HMBOX1: variants seen among roughly 807,000 people sequenced by gnomAD.
HMBOX1 encodes homeobox-containing protein 1.
Under a neutral mutation model 54.5 loss-of-function variants are expected in HMBOX1, and 14 were observed. The observed-to-expected ratio is 0.26, with a 90% CI of 0.17 to 0.40. HMBOX1 has a LOEUF of 0.40. Ranked by LOEUF, HMBOX1 falls within the 10% of genes least tolerant of loss-of-function variation. The pLI is 1.00. For missense variants in HMBOX1, 332 were observed against 514.4 expected (o/e 0.65, Z 3.43); for synonymous variants, 160 against 181.0 (o/e 0.88, Z 0.93).
chr8:28,986,691 G>A lies in HMBOX1; in HGVS notation c.586+6535G>A, dbSNP rs143518676. On this transcript the variant is annotated intron_variant, in intron 4 of 9. Coordinates refer to ENST00000287701, the MANE Select transcript of HMBOX1 (RefSeq NM_001135726.3). Reference sequence around the variant, plus strand: ...ATTCACTCACGTTATAATTGTTTTCGCAGAGTGCATTTTGGGATTTTCTTT... The same window carrying A: ...ATTCACTCACGTTATAATTGTTTTCACAGAGTGCATTTTGGGATTTTCTTT... Among the ~76,000 whole-genome samples, 8 of 152,212 alleles carry A rather than the reference G, an allele frequency of 5.3e-5. No individual in the cohort carries two copies. In the East Asian group the frequency reaches 7.7e-4, roughly 15 times the overall value.
At chr8:29,029,918 C>G (rs1237590858) in intron 6 of HMBOX1, among the ~76,000 whole-genome samples, 1 of 151,762 alleles carries the variant, frequency 6.6e-6, no homozygotes, top group Non-Finnish European at 1.5e-5. Flanking sequence ...CTCTTAGGCC[C>G]CCTTATTATT....
chr8:28,997,917 TGAGTCAG>T (rs1386993762), intron 4 of HMBOX1, among the ~76,000 whole-genome samples: 1 of 152,204 alleles, frequency 6.6e-6, no homozygotes, highest in Non-Finnish European at 1.5e-5. Context: ...TTCATGGAAT[TGAGTCAG>T]AAGTGTTTTT....
At chr8:29,028,403 A>G (rs773021070) in intron 6 of HMBOX1, among the ~76,000 whole-genome samples, 3 of 152,212 alleles carry the variant, frequency 2.0e-5, no homozygotes, top group Non-Finnish European at 4.4e-5. Flanking sequence ...GAGACAAATC[A>G]GCTTGTAAAG....
intron 5 of HMBOX1, among the ~76,000 whole-genome samples, chr8:29,012,050 G>A (rs540881578): frequency 6.6e-6 from 1 of 152,338 alleles, no homozygotes; most frequent in East Asian, 1.9e-4. Flanking sequence ...GGTAGCTAGA[G>A]ATAAGAGGGT....
chr8:28,931,077 G>A (rs2131899946), intron 1 of HMBOX1, among the ~76,000 whole-genome samples: 1 of 152,230 alleles, frequency 6.6e-6, no homozygotes, highest in Middle Eastern at 3.4e-3. Flanking sequence ...TTGTTATCAT[G>A]TTGACTTTTG....
chr8:28,923,777 T>C (rs1453710304), intron 1 of HMBOX1, among the ~76,000 whole-genome samples: 1 of 152,198 alleles, frequency 6.6e-6, no homozygotes. Context: ...TTTTTTCTTT[T>C]GTATTTTTTG....
At position 28,920,579 on chromosome 8, in the gene HMBOX1, C is replaced by G. The variant is rs145642004; in HGVS notation, c.-58+29901C>G. Among the ~76,000 whole-genome samples, 544 of 152,210 alleles carry G rather than the reference C, an allele frequency of 3.6e-3. 4 individuals are homozygous for G. Among genetic ancestry groups the G allele is most frequent in the African/African-American group, 0.012 (488 of 41,528 alleles). On this transcript the variant is annotated intron_variant, in intron 1 of 9. Transcript: ENST00000287701. ...GTGCCCTCATACCCAAATATTTCCT[C>G]AAAGAAATTAATGGGCATTTATTGA... is the stretch of plus-strand genomic sequence containing the variant.
At chr8:29,011,731 T>C (rs1406217597) in intron 5 of HMBOX1, among the ~76,000 whole-genome samples, 1 of 151,416 alleles carries the variant, frequency 6.6e-6, no homozygotes, top group East Asian at 1.9e-4. Context: ...TTTTAAATTA[T>C]TGTTATTTAT....
rs185163665 is a variant in HMBOX1 at position 28,923,670 on chromosome 8, G to A, written c.-58+32992G>A. Among the ~76,000 whole-genome samples the A allele has an allele frequency of 1.3e-3, 195 of 152,306 alleles. 6 individuals are homozygous for A. The highest frequency in any genetic ancestry group is 0.013 in the Admixed American group (195 of 15,298). ...ATCTTGTAATTCTGTTTAACTTCTT[G>A]AGGAACTCCCAAACTGTTTACACAG... On this transcript the variant is annotated intron_variant, in intron 1 of 9. Coordinates refer to ENST00000287701, the MANE Select transcript of HMBOX1 (RefSeq NM_001135726.3).
At chr8:28,895,840 C>T (rs1436966159) in intron 1 of HMBOX1, among the ~76,000 whole-genome samples, 3 of 152,128 alleles carry the variant, frequency 2.0e-5, no homozygotes, top group Non-Finnish European at 4.4e-5. Context: ...TTAATGTTCT[C>T]TTATTTCATA....
intron 1 of HMBOX1, among the ~76,000 whole-genome samples, chr8:28,942,219 G>A (rs535207196): frequency 7.2e-5 from 11 of 152,286 alleles, no homozygotes; most frequent in South Asian, 6.2e-4. Flanking sequence ...GTAGTTCAGC[G>A]CAGTCTCCTT....
rs745817817 is a variant in HMBOX1 at position 29,049,066 on chromosome 8, T to C, written c.1125+18T>C. 8 of 1,604,582 alleles carry C rather than the reference T, an allele frequency of 5.0e-6. No individual in the cohort carries two copies. The highest frequency in any genetic ancestry group is 6.8e-6 in the Non-Finnish European group (8 of 1,173,588). Reference sequence around the variant, plus strand: ...CTGAGCAGGTGAGCCCCTGCGCAGCTGGGCGAGGTTCTTGGTGCCTGAGCA... The same window carrying C: ...CTGAGCAGGTGAGCCCCTGCGCAGCCGGGCGAGGTTCTTGGTGCCTGAGCA... On this transcript the variant is annotated intron_variant, in intron 9 of 9. Coordinates refer to ENST00000287701, the MANE Select transcript of HMBOX1 (RefSeq NM_001135726.3).
intron 3 of HMBOX1, among the ~76,000 whole-genome samples, chr8:28,979,381 C>G (rs1344215668): frequency 1.3e-5 from 2 of 152,088 alleles, no homozygotes; most frequent in South Asian, 4.1e-4. Flanking sequence ...AAAATGAGGT[C>G]TATAATGTAT....
intron 6 of HMBOX1, among the ~76,000 whole-genome samples, chr8:29,019,394 A>G (rs1408175103): frequency 1.3e-5 from 2 of 151,968 alleles, no homozygotes; most frequent in Non-Finnish European, 2.9e-5. Flanking sequence ...TACCTGATCC[A>G]TAGTAGGCAC....
chr8:29,045,592 C>CCTG, intron 7 of HMBOX1, 149 bp downstream of exon 7: 1 of 622,706 alleles, frequency 1.6e-6, no homozygotes, highest in South Asian at 1.9e-5. Flanking sequence ...GTGCCCTGTC[C>CCTG]TGCTCACACA....
At chr8:28,902,701 T>C (rs1196857680) in intron 1 of HMBOX1, among the ~76,000 whole-genome samples, 1 of 152,186 alleles carries the variant, frequency 6.6e-6, no homozygotes, top group East Asian at 1.9e-4. Context: ...GCTTATTGTT[T>C]TTTATGATCT....
At chr8:29,022,585 G>A (rs1036686661) in intron 6 of HMBOX1, among the ~76,000 whole-genome samples, 7 of 152,040 alleles carry the variant, frequency 4.6e-5, no homozygotes, top group Non-Finnish European at 7.4e-5. Context: ...CCCATGTAGT[G>A]GAGTACTATG....
chr8:29,046,648 A>G (rs1161861620), intron 7 of HMBOX1, among the ~76,000 whole-genome samples: 1 of 152,214 alleles, frequency 6.6e-6, no homozygotes, highest in Non-Finnish European at 1.5e-5. Context: ...GGCCTTAAAG[A>G]TGTAAGTAAA....
intron 5 of HMBOX1, among the ~76,000 whole-genome samples, chr8:29,015,889 G>A (rs966286436): frequency 6.6e-6 from 1 of 152,178 alleles, no homozygotes; most frequent in Admixed American, 6.5e-5. Context: ...GCATGAGCAT[G>A]TTTCAATAAA....
Sources: allele counts gnomAD v4.1 joint callset (sites outside exome capture counted in the v4.1 genomes callset), GRCh38; gene constraint gnomAD v4.1.1; transcripts MANE v1.5; gene names NCBI Gene and HGNC (gene_info 2026-07-23, HGNC 2026-07-21).